DOT1L: variants seen among roughly 807,000 people sequenced by gnomAD.
DOT1L encodes the protein histone-lysine N-methyltransferase, H3 lysine-79 specific.
Under a neutral mutation model 153.3 loss-of-function variants are expected in DOT1L, and 33 were observed. The observed-to-expected ratio is 0.22, with a 90% CI of 0.16 to 0.29. The LOEUF (loss-of-function observed/expected upper bound fraction) is 0.29. DOT1L is among the 10% of genes least tolerant of loss of function. DOT1L has a pLI of 1.00. For missense variants in DOT1L, 1,847 were observed against 2,119.9 expected (o/e 0.87, Z 2.53); for synonymous variants, 1,135 against 965.1 (o/e 1.18, Z -3.26).
In DOT1L at chr19:2,199,955, G is replaced by A. The variant is rs764334010; in HGVS notation, c.707+16G>A. ...CCAACACGAGGTATGGCCAGCGTGG[G>A]GCATGCAGGGCATGTGGGGTGTGCG... On this transcript the variant is annotated intron_variant, in intron 8 of 27. Coordinates refer to ENST00000398665, the MANE Select transcript of DOT1L (RefSeq NM_032482.3). 4 of 1,613,442 alleles carry A rather than the reference G, an allele frequency of 2.5e-6. No individual in the cohort carries two copies. The highest frequency in any genetic ancestry group is 2.5e-6 in the Non-Finnish European group (3 of 1,179,570).
In DOT1L at chr19:2,196,935, T is replaced by G. The variant is rs182046095; in HGVS notation, c.651+2358T>G. 4.6e-5 allele frequency among the ~76,000 whole-genome samples: 7 copies of G among 152,292 alleles called. No homozygotes were observed. In the East Asian group the frequency reaches 9.6e-4, roughly 21 times the overall value. On this transcript the variant is annotated intron_variant, in intron 7 of 27. Coordinates refer to ENST00000398665, the MANE Select transcript of DOT1L (RefSeq NM_032482.3). ...GCAGCGTGCGCTTTTTCGTTGCTGCTTCTAGTGTCAGCGCGGTGCTGTGGT... is the reference window on the plus strand; with the variant it reads ...GCAGCGTGCGCTTTTTCGTTGCTGCGTCTAGTGTCAGCGCGGTGCTGTGGT...
chr19:2,180,476 G>A (rs891137014), intron 1 of DOT1L, among the ~76,000 whole-genome samples: 2 of 152,174 alleles, frequency 1.3e-5, no homozygotes, highest in South Asian at 2.1e-4. Flanking sequence ...CTGCCTGCTC[G>A]CTGCCTGTAG....
At chr19:2,184,578 A>G (rs2022403252) in intron 2 of DOT1L, among the ~76,000 whole-genome samples, 2 of 152,066 alleles carry the variant, frequency 1.3e-5, no homozygotes, top group Admixed American at 1.3e-4. Context: ...CCTCCTGCAG[A>G]GCCGCAGGCC....
At chr19:2,166,251 C>G (rs1158354825) in intron 1 of DOT1L, among the ~76,000 whole-genome samples, 2 of 151,422 alleles carry the variant, frequency 1.3e-5, no homozygotes, top group Non-Finnish European at 2.9e-5. Context: ...CATGCGCCAC[C>G]ACACCCTGCT....
At chr19:2,183,188 TGA>T (rs2022324128) in intron 2 of DOT1L, among the ~76,000 whole-genome samples, 1 of 152,224 alleles carries the variant, frequency 6.6e-6, no homozygotes, top group Non-Finnish European at 1.5e-5. Context: ...GTTGTTTTTT[TGA>T]GTCAGCGTCT....
intron 7 of DOT1L, among the ~76,000 whole-genome samples, chr19:2,195,773 C>T (rs562647633): frequency 4.6e-5 from 7 of 152,212 alleles, no homozygotes; most frequent in Non-Finnish European, 5.9e-5. Flanking sequence ...AAGGCCAACT[C>T]GTGATCCCAG....
chr19:2,207,771 T>A lies in DOT1L; in HGVS notation c.963+91T>A. The A allele has an allele frequency of 8.2e-7, 1 of 1,216,788 alleles. No homozygotes were observed. Among genetic ancestry groups the A allele is most frequent in the Non-Finnish European group, 1.1e-6 (1 of 878,032 alleles). The allele number at this position is 1,216,788 out of a possible 1,614,324, so 75.4% of individuals were successfully genotyped here. A position where few individuals can be genotyped will look rare whatever the true frequency, so the allele number is the denominator to read the frequency against. On this transcript the variant is annotated intron_variant, in intron 11 of 27. Coordinates refer to ENST00000398665, the MANE Select transcript of DOT1L (RefSeq NM_032482.3). This position sits in a 1 kb window ranked among gnomAD's most constrained non-coding sequence, Gnocchi z 4.5. Reference sequence around the variant, plus strand: ...GCTCTCTCCTTTCTCATGTGGCCTCTGAGACCCTCCCCTCAGAGCCCTCAA... The same window carrying A: ...GCTCTCTCCTTTCTCATGTGGCCTCAGAGACCCTCCCCTCAGAGCCCTCAA...
chr19:2,170,622 T>C (rs541907831), intron 1 of DOT1L, among the ~76,000 whole-genome samples: 1 of 152,114 alleles, frequency 6.6e-6, no homozygotes, highest in African/African-American at 2.4e-5. Flanking sequence ...TCCCCCACTT[T>C]CCATGCCAGT....
In DOT1L at chr19:2,231,691, G is replaced by C. The variant is rs184630981; in HGVS notation, c.*1899G>C. On this transcript the variant is annotated 3_prime_UTR_variant, in exon 28 of 28. Coordinates refer to ENST00000398665, the MANE Select transcript of DOT1L (RefSeq NM_032482.3). ...CAGGACAGGCAGCCTGCTCTGTGTCGCCACGGGCCGGATACGCCACAGGGT... is the reference window on the plus strand; with the variant it reads ...CAGGACAGGCAGCCTGCTCTGTGTCCCCACGGGCCGGATACGCCACAGGGT... 1 of 213,552 alleles carries C rather than the reference G, an allele frequency of 4.7e-6. No individual in the cohort carries two copies. Among genetic ancestry groups the C allele is most frequent in the Non-Finnish European group, 9.5e-6 (1 of 105,700 alleles). The allele number at this position is 213,552 out of a possible 1,614,324, so 13.2% of individuals were successfully genotyped here.
intron 5 of DOT1L, among the ~76,000 whole-genome samples, chr19:2,192,300 CT>C (rs1344318103): frequency 6.6e-6 from 1 of 152,204 alleles, no homozygotes; most frequent in Non-Finnish European, 1.5e-5. Context: ...CAAGACCAGG[CT>C]GGTCAGCATA....
intron 8 of DOT1L, among the ~76,000 whole-genome samples, chr19:2,201,311 T>C (rs1331475494): frequency 6.6e-6 from 1 of 151,226 alleles, no homozygotes; most frequent in African/African-American, 2.4e-5. Context: ...GTATTCCTCA[T>C]TCTCCCTGCA....
At chr19:2,189,522 C>A (rs550231983) in intron 3 of DOT1L, among the ~76,000 whole-genome samples, 4 of 152,242 alleles carry the variant, frequency 2.6e-5, no homozygotes, top group Non-Finnish European at 4.4e-5. Flanking sequence ...ACCGGACTCT[C>A]GGCCGGCCAC....
At chr19:2,165,808 G>A (rs1274816749) in intron 1 of DOT1L, among the ~76,000 whole-genome samples, 2 of 147,476 alleles carry the variant, frequency 1.4e-5, no homozygotes, top group Middle Eastern at 3.5e-3. Context: ...TCGATCTGTC[G>A]CCAAAGCTGG....
In DOT1L at chr19:2,204,167, C is replaced by T. The variant is rs1382112667; in HGVS notation, c.787+1388C>T. 1.3e-5 allele frequency among the ~76,000 whole-genome samples: 2 copies of T among 151,360 alleles called. No individual in the cohort carries two copies. Among genetic ancestry groups the T allele is most frequent in the Non-Finnish European group, 3.0e-5 (2 of 67,768 alleles). On this transcript the variant is annotated intron_variant, in intron 9 of 27. Transcript: ENST00000398665. This position sits in a 1 kb window ranked among gnomAD's most constrained non-coding sequence, Gnocchi z 5.7. ...TGTGTGTGCCCGTGTGCCTGTGTGT[C>T]TGTTAGCGTGTCTCTGTGTGCGTGC...
At position 2,189,678 on chromosome 19, in the gene DOT1L, T is replaced by C. The variant is rs537079884; in HGVS notation, c.201-54T>C. 5.7e-6 allele frequency: 9 copies of C among 1,591,402 alleles called. No individual in the cohort carries two copies. In the African/African-American group the frequency reaches 1.2e-4, roughly 21 times the overall value. ...CTTATCCACATGCTGTCCCCTCCCA[T>C]GCATGCGGCTGGCTCCTGCCCGCAT... On this transcript the variant is annotated intron_variant, in intron 3 of 27. Coordinates refer to ENST00000398665, the MANE Select transcript of DOT1L (RefSeq NM_032482.3).
rs1341840310 is a variant in DOT1L, at chr19:2,230,054, A to G, written c.*262A>G. 1 of 609,836 alleles carries G rather than the reference A, an allele frequency of 1.6e-6. No individual in the cohort carries two copies. Among genetic ancestry groups the G allele is most frequent in the East Asian group, 2.9e-5 (1 of 35,048 alleles). The allele number at this position is 609,836 out of a possible 1,614,324, so 37.8% of individuals were successfully genotyped here. A position where few individuals can be genotyped will look rare whatever the true frequency, so the allele number is the denominator to read the frequency against. On this transcript the variant is annotated 3_prime_UTR_variant, in exon 28 of 28. Transcript: ENST00000398665. ...ACTTATTTTATTCCATCTAAGTGGT[A>G]AAAGGCAACTTATTGAGAAATATAA... is the stretch of plus-strand genomic sequence containing the variant.
chr19:2,176,843 C>G (rs1412598089), intron 1 of DOT1L, among the ~76,000 whole-genome samples: 2 of 152,178 alleles, frequency 1.3e-5, no homozygotes, highest in Non-Finnish European at 2.9e-5. Context: ...TATGGACAGA[C>G]AGGAACTTCT....
intron 1 of DOT1L, among the ~76,000 whole-genome samples, chr19:2,168,315 A>G (rs957516435): frequency 2.6e-5 from 4 of 152,200 alleles, no homozygotes; most frequent in Non-Finnish European, 5.9e-5. Flanking sequence ...CAAAAAATTT[A>G]AAACAGTGAA....
chr19:2,216,296 C>G lies in DOT1L; in HGVS notation c.1939C>G (p.Leu647Val). 1 of 1,583,068 alleles carries G rather than the reference C, an allele frequency of 6.3e-7. No homozygotes were observed. The highest frequency in any genetic ancestry group is 8.6e-7 in the Non-Finnish European group (1 of 1,160,390). Reference protein sequence around the residue: ...CLELQISIVELEKSQRQQELL... With the variant: ...CLELQISIVEVEKSQRQQELL... Reference sequence around the variant, plus strand: ...CCTCCTGCAGATCAGCATTGTGGAGCTAGAGAAGAGCCAGCGGCAGCAGGA... The same window carrying G: ...CCTCCTGCAGATCAGCATTGTGGAGGTAGAGAAGAGCCAGCGGCAGCAGGA... Residue 647 changes from leucine to valine, a missense_variant, in exon 20 of 28, where the codon CTA (leucine) becomes GTA (valine). Leu to Val is a conservative substitution (Grantham distance 32). Transcript: ENST00000398665.
Sources: gnomAD v4.1 joint callset for allele counts (sites outside exome capture counted in the v4.1 genomes callset) on GRCh38, gnomAD v4.1.1 for gene constraint, Gnocchi (gnomAD v3.1) non-coding constraint, MANE v1.5 for transcripts, NCBI Gene and HGNC (gene_info 2026-07-23, HGNC 2026-07-21) for gene names.